The following SKOR2 variants were observed in gnomAD, a reference collection of about 807,000 sequenced individuals.
The protein encoded by SKOR2 is SKI family transcriptional corepressor 2.
In SKOR2, 47 loss-of-function variants were observed where a neutral mutation model predicts 69.1. The ratio of observed to expected loss-of-function variants is 0.68; its 90% confidence interval spans 0.54 to 0.87. The LOEUF (loss-of-function observed/expected upper bound fraction) is 0.87, where lower values mean the gene tolerates loss of function less well. Ranked by LOEUF, SKOR2 falls within the 40% of genes least tolerant of loss-of-function variation. The pLI, the probability that SKOR2 is intolerant of heterozygous loss-of-function variation, is 0.00. For synonymous variants in SKOR2, 717 were observed against 672.6 expected (o/e 1.07, Z -1.02); for missense variants, 1,404 against 1,472.2 (o/e 0.95, Z 0.76).
chr18:47,221,653 C>G (rs1417179121), intron 6 of SKOR2, among the ~76,000 whole-genome samples: 2 of 151,898 alleles, frequency 1.3e-5, no homozygotes, highest in Non-Finnish European at 1.5e-5. Flanking sequence ...TCTGCAGCCC[C>G]TCCTGCCAGA....
chr18:47,224,814 C>A (rs1044749968), intron 6 of SKOR2, among the ~76,000 whole-genome samples: 3 of 151,878 alleles, frequency 2.0e-5, no homozygotes, highest in Admixed American at 2.0e-4. Flanking sequence ...GAGACAGGGT[C>A]CCAGTATGTT....
At chr18:47,210,374 GCAATT>G (rs2064124402) in intron 8 of SKOR2, among the ~76,000 whole-genome samples, 1 of 152,092 alleles carries the variant, frequency 6.6e-6, no homozygotes, top group Admixed American at 6.6e-5. Context: ...CTGAGTGAGT[GCAATT>G]CACTGAGTTT....
rs746137830 is a variant in SKOR2 at position 47,248,602 on chromosome 18, G to C, written c.582C>G (p.Pro194=). ...CGTCTGGCTGAGTGTACTTGGCGTC[G>C]GGCGTGCGGTGGGAGTGGAAAATGA... The part of the protein sequence containing the change: ...NKFIFHSHRT[P]DAKYTQPDAA... Residue 194 remains proline (P), a synonymous_variant, in exon 2 of 9, where the codon CCC becomes CCG. Transcript: ENST00000425639. This position sits in a 1 kb window ranked among gnomAD's most constrained non-coding sequence, Gnocchi z 6.4. 8.4e-6 allele frequency: 13 copies of C among 1,543,366 alleles called. No individual in the cohort carries two copies. Among genetic ancestry groups the C allele is most frequent in the Non-Finnish European group, 1.0e-5 (12 of 1,149,708 alleles).
chr18:47,247,440 C>G lies in SKOR2; in HGVS notation c.1744G>C (p.Ala582Pro). ...GSTPPADSVA[A>P]AGAGAAAAGS... ...GCGGCCGCGGCCCCTGCCCCGGCAG[C>G]TGCCACAGAGTCCGCGGGCGGCGTG... Residue 582 changes from alanine (A) to proline (P), a missense_variant, in exon 2 of 9, where the codon GCT becomes CCT. Ala to Pro is a conservative substitution (Grantham distance 27). Around this residue, in one of 3 missense-constraint regions of SKOR2, gnomAD observed 1,266 missense variants for 1,309.9 expected, o/e 0.97. Coordinates refer to ENST00000425639, the MANE Select transcript of SKOR2 (RefSeq NM_001278063.4). This position sits in a 1 kb window ranked among gnomAD's most constrained non-coding sequence, Gnocchi z 6.6. 7.9e-7 allele frequency: 1 copy of G among 1,273,654 alleles called. No individual in the cohort carries two copies. The highest frequency in any genetic ancestry group is 9.9e-7 in the Non-Finnish European group (1 of 1,012,022). The allele number at this position is 1,273,654 out of a possible 1,614,324, so 78.9% of individuals were successfully genotyped here.
At chr18:47,230,007 A>G (rs2064191786) in intron 6 of SKOR2, among the ~76,000 whole-genome samples, 1 of 152,210 alleles carries the variant, frequency 6.6e-6, no homozygotes, top group South Asian at 2.1e-4. Flanking sequence ...TTTAAAGTTT[A>G]GATTTTCATA....
chr18:47,247,624 A>G lies in SKOR2; in HGVS notation c.1560T>C (p.Ala520=), dbSNP rs1345478816. 1 of 1,328,162 alleles carries G rather than the reference A, an allele frequency of 7.5e-7. No individual in the cohort carries two copies. The highest frequency in any genetic ancestry group is 9.6e-7 in the Non-Finnish European group (1 of 1,042,650). The allele number at this position is 1,328,162 out of a possible 1,614,324, so 82.3% of individuals were successfully genotyped here. A position where few individuals can be genotyped will look rare whatever the true frequency, so the allele number is the denominator to read the frequency against. ...GCGGGGGCGCGGCCTCGGCGCTCCC[A>G]GCAGCACCGCCTGGCTCAGCCAGGT... ...FLDLAEPGGA[A]GSAEAAPPPG... The change falls in exon 2 of 9, where the codon GCT becomes GCC. Residue 520 remains alanine (A), a synonymous_variant. Coordinates refer to ENST00000425639, the MANE Select transcript of SKOR2 (RefSeq NM_001278063.4). This position sits in a 1 kb window ranked among gnomAD's most constrained non-coding sequence, Gnocchi z 6.6.
Position 47,245,502 on chromosome 18 carries a change from A to C in SKOR2, c.2673T>G (p.Phe891Leu). Reference sequence around the variant, plus strand: ...GATTTTTTTTTTTTTTTTTACCTGAAAAGCTGTTGTCATCCTTTGTAGATA... The same window carrying C: ...GATTTTTTTTTTTTTTTTTACCTGACAAGCTGTTGTCATCCTTTGTAGATA... ...VIVSTKDDNS[F>L]SDKNKEHSFF... The change falls in exon 3 of 9, where the codon TTT (phenylalanine) becomes TTG (leucine). Residue 891 changes from phenylalanine (F) to leucine (L), a missense_variant. This residue lies in a region of SKOR2 where 1,266 missense variants were observed against 1,309.9 expected (regional missense o/e 0.97). Transcript: ENST00000425639. 1.5e-6 allele frequency: 1 copy of C among 687,564 alleles called. No homozygotes were observed. Among genetic ancestry groups the C allele is most frequent in the South Asian group, 2.9e-5 (1 of 34,720 alleles). The allele number at this position is 687,564 out of a possible 1,614,324, so 42.6% of individuals were successfully genotyped here. A position where few individuals can be genotyped will look rare whatever the true frequency, so the allele number is the denominator to read the frequency against.
intron 4 of SKOR2, among the ~76,000 whole-genome samples, chr18:47,241,981 G>C (rs565705956): frequency 1.8e-4 from 28 of 152,260 alleles, no homozygotes; most frequent in African/African-American, 6.3e-4. Context: ...GCACTGCCCT[G>C]AGCTCCAGGC....
Position 47,249,010 on chromosome 18 carries a change from C to T in SKOR2, c.174G>A (p.Gly58=). 6.5e-7 allele frequency: 1 copy of T among 1,548,072 alleles called. No individual in the cohort carries two copies. The highest frequency in any genetic ancestry group is 8.7e-7 in the Non-Finnish European group (1 of 1,153,056). ...GIPIVSLVID[G]QERLCLAQIS... The stretch of plus-strand genomic sequence containing the variant: ...TCTGCGCCAGGCACAGGCGCTCTTG[C>T]CCGTCGATCACCAACGACACGATGG... The change falls in exon 2 of 9, where the codon GGG becomes GGA. Residue 58 remains glycine (G), a synonymous_variant. Transcript: ENST00000425639.
rs925923039 is a variant in SKOR2, at chr18:47,247,831, G to A, written c.1353C>T (p.Ser451=). Residue 451 remains serine (S), a synonymous_variant, in exon 2 of 9, where the codon TCC becomes TCT. Transcript: ENST00000425639. The surrounding 1 kb of genome is among the most constrained non-coding windows in gnomAD (Gnocchi z 6.6). The stretch of plus-strand genomic sequence containing the variant: ...TGCGGCCCGCGGGCCAGAAGAGGCC[G>A]GACAAGCCGGCCTTGGGCGCCGCGC... ...GAGAAPKAGL[S]GLFWPAGRKD... 1.9e-5 allele frequency: 26 copies of A among 1,381,748 alleles called. No homozygotes were observed. The highest frequency in any genetic ancestry group is 2.3e-5 in the Non-Finnish European group (25 of 1,077,050). 85.6% of individuals were successfully genotyped at this position (1,381,748 alleles called of 1,614,324 possible).
At chr18:47,208,313 C>A (rs1333438199) in intron 8 of SKOR2, among the ~76,000 whole-genome samples, 2 of 152,172 alleles carry the variant, frequency 1.3e-5, no homozygotes, top group African/African-American at 4.8e-5. Flanking sequence ...GAGGTAATAA[C>A]AGGATCTGCC....
At chr18:47,238,060 C>T (rs1198111753) in intron 4 of SKOR2, among the ~76,000 whole-genome samples, 3 of 152,142 alleles carry the variant, frequency 2.0e-5, no homozygotes, top group Non-Finnish European at 4.4e-5. Context: ...GAGCCAACAA[C>T]TGGCACTTAG....
chr18:47,218,440 A>G (rs762247147), intron 7 of SKOR2, among the ~76,000 whole-genome samples: 3 of 151,946 alleles, frequency 2.0e-5, no homozygotes, highest in African/African-American at 7.3e-5. Flanking sequence ...AAATTAAAAA[A>G]TTAATCGGGT....
chr18:47,248,061 T>C lies in SKOR2; in HGVS notation c.1123A>G (p.Lys375Glu), dbSNP rs1033021390. 3.5e-6 allele frequency: 5 copies of C among 1,424,722 alleles called. No individual in the cohort carries two copies. In the African/African-American group the frequency reaches 7.5e-5, roughly 21 times the overall value. 88.3% of individuals were successfully genotyped at this position (1,424,722 alleles called of 1,614,324 possible). Reference sequence around the variant, plus strand: ...ATGACTGGGTAGCTGCGCGGGCCTTTGGCCCCTGCCCCGGCACCCGCCCCC... The same window carrying C: ...ATGACTGGGTAGCTGCGCGGGCCTTCGGCCCCTGCCCCGGCACCCGCCCCC... Reference protein sequence around the residue: ...GAGAGAGAGAKGPRSYPVIPV... With the variant: ...GAGAGAGAGAEGPRSYPVIPV... Residue 375 changes from lysine to glutamate, a missense_variant, in exon 2 of 9, where the codon AAA (lysine) becomes GAA (glutamate). Lys to Glu is a moderately conservative substitution (Grantham distance 56). This residue lies in a region of SKOR2 where 1,266 missense variants were observed against 1,309.9 expected (regional missense o/e 0.97). Coordinates refer to ENST00000425639, the MANE Select transcript of SKOR2 (RefSeq NM_001278063.4). This position sits in a 1 kb window ranked among gnomAD's most constrained non-coding sequence, Gnocchi z 6.4.
At chr18:47,244,357 AC>A (rs2064261807) in intron 4 of SKOR2, among the ~76,000 whole-genome samples, 1 of 152,198 alleles carries the variant, frequency 6.6e-6, no homozygotes, top group Non-Finnish European at 1.5e-5. Flanking sequence ...AAGAAACAAA[AC>A]CCTCTCCTTA....
intron 6 of SKOR2, among the ~76,000 whole-genome samples, chr18:47,222,512 G>A (rs561275639): frequency 1.6e-4 from 25 of 152,292 alleles, no homozygotes; most frequent in Admixed American, 5.9e-4. Flanking sequence ...GTGGGTCTAA[G>A]GGTACAGGGC....
At chr18:47,226,254 A>C (rs1032407673) in intron 6 of SKOR2, among the ~76,000 whole-genome samples, 2 of 152,240 alleles carry the variant, frequency 1.3e-5, no homozygotes, top group Admixed American at 6.5e-5. Context: ...ATTGCTGGGG[A>C]AGGTGTACAT....
intron 1 of SKOR2, among the ~76,000 whole-genome samples, chr18:47,249,702 A>G (rs1444695530): frequency 6.6e-6 from 1 of 152,214 alleles, no homozygotes; most frequent in Non-Finnish European, 1.5e-5. Flanking sequence ...GTAACCCCCA[A>G]AACCCTTTAA....
chr18:47,248,083 CCCCGCG>C lies in SKOR2; in HGVS notation c.1095_1100del (p.Gly373_Ala374del), dbSNP rs1382848543. 30 of 1,385,696 alleles carry C rather than the reference CCCCGCG, an allele frequency of 2.2e-5. No individual in the cohort carries two copies. The highest frequency in any genetic ancestry group is 4.7e-4 in the Middle Eastern group (2 of 4,244). The allele number at this position is 1,385,696 out of a possible 1,614,324, so 85.8% of individuals were successfully genotyped here. ...CTTTGGCCCCTGCCCCGGCACCCGC[CCCCGCG>C]CCCGCGCCCACGCCCACGCCGGCCA... On this transcript the variant is annotated inframe_deletion, in exon 2 of 9. Coordinates refer to ENST00000425639, the MANE Select transcript of SKOR2 (RefSeq NM_001278063.4). This position sits in a 1 kb window ranked among gnomAD's most constrained non-coding sequence, Gnocchi z 6.4.
Sources: gnomAD v4.1 joint callset for allele counts (sites outside exome capture counted in the v4.1 genomes callset) on GRCh38, gnomAD v4.1.1 for gene constraint, gnomAD v4.1.1 regional missense constraint, Gnocchi (gnomAD v3.1) non-coding constraint, MANE v1.5 for transcripts, NCBI Gene and HGNC (gene_info 2026-07-23, HGNC 2026-07-21) for gene names.